The following ROBO2 variants were observed in gnomAD, a reference collection of about 807,000 sequenced individuals.
The protein encoded by ROBO2 is roundabout homolog 2.
A neutral mutation model predicts 160.8 loss-of-function variants in ROBO2; 53 were observed. The ratio of observed to expected loss-of-function variants is 0.33; its 90% CI spans 0.26 to 0.41. The LOEUF (loss-of-function observed/expected upper bound fraction) is 0.41. Ranked by LOEUF, ROBO2 falls within the 10% of genes least tolerant of loss-of-function variation. The pLI, the probability that ROBO2 is intolerant of heterozygous loss-of-function variation, is 1.00. For missense variants in ROBO2, 1,577 were observed against 1,722.4 expected (o/e 0.92, Z 1.49); for synonymous variants, 664 against 611.7 (o/e 1.09, Z -1.26).
At chr3:75,936,009 T>C (rs936784705) in intron 1 of ROBO2, among the ~76,000 whole-genome samples, 11 of 152,216 alleles carry the variant, frequency 7.2e-5, no homozygotes, top group Admixed American at 7.2e-4. Context: ...GGGTAAAGAA[T>C]GTAAGGCATT....
At chr3:77,232,103 G>A (rs898922082) in intron 2 of ROBO2, among the ~76,000 whole-genome samples, 4 of 152,064 alleles carry the variant, frequency 2.6e-5, no homozygotes, top group African/African-American at 9.7e-5. Flanking sequence ...GCTATGAGTC[G>A]AGTACTTTTA....
chr3:76,388,045 G>T (rs993018370), intron 2 of ROBO2, among the ~76,000 whole-genome samples: 5 of 152,102 alleles, frequency 3.3e-5, no homozygotes. Context: ...AGTTTCTTCC[G>T]GTAAACATAC....
intron 5 of ROBO2, among the ~76,000 whole-genome samples, chr3:77,513,606 A>G (rs1431572770): frequency 6.6e-6 from 1 of 151,866 alleles, no homozygotes; most frequent in African/African-American, 2.4e-5. Flanking sequence ...AGAATGTTGC[A>G]TGCAAACTGT....
intron 2 of ROBO2, among the ~76,000 whole-genome samples, chr3:76,976,180 C>G (rs2059807632): frequency 1.3e-5 from 2 of 152,160 alleles, no homozygotes. Flanking sequence ...AAAAATGGAA[C>G]TAGGCAATTT....
chr3:76,073,293 TTTTTTTTTTTTTTTTTTTG>T (rs2068528273), intron 2 of ROBO2, among the ~76,000 whole-genome samples: 1 of 104,340 alleles, frequency 9.6e-6, no homozygotes, highest in Admixed American at 1.1e-4. Flanking sequence ...TTTTTTTTTT[TTTTTTTTTTTTTTTTTTTG>T]AGACGGAGTC....
intron 2 of ROBO2, among the ~76,000 whole-genome samples, chr3:77,201,648 A>G (rs1382162566): frequency 6.6e-6 from 1 of 152,162 alleles, no homozygotes; most frequent in East Asian, 1.9e-4. Context: ...ACTGTATGTG[A>G]CATTGCAATA....
chr3:77,144,874 A>T (rs2076997201), intron 2 of ROBO2, among the ~76,000 whole-genome samples: 1 of 152,200 alleles, frequency 6.6e-6, no homozygotes, highest in Non-Finnish European at 1.5e-5. Flanking sequence ...ATAATTTTTT[A>T]TTAATGCCTT....
At chr3:76,168,620 A>G (rs888284047) in intron 2 of ROBO2, among the ~76,000 whole-genome samples, 8 of 152,108 alleles carry the variant, frequency 5.3e-5, no homozygotes, top group African/African-American at 1.7e-4. Context: ...ATGGACCTGT[A>G]TTCCTTTATT....
chr3:77,414,165 T>G (rs552664271), intron 2 of ROBO2, among the ~76,000 whole-genome samples: 1 of 152,250 alleles, frequency 6.6e-6, no homozygotes, highest in South Asian at 2.1e-4. Flanking sequence ...GTTGGCCAAA[T>G]GAACTAAATA....
chr3:77,450,838 C>T (rs750725405), intron 2 of ROBO2, among the ~76,000 whole-genome samples: 6 of 151,906 alleles, frequency 3.9e-5, no homozygotes, highest in Non-Finnish European at 8.8e-5. Flanking sequence ...AGATAATTGA[C>T]GGTATTCAAG....
chr3:76,629,707 A>G (rs1247959517), intron 2 of ROBO2, among the ~76,000 whole-genome samples: 1 of 152,146 alleles, frequency 6.6e-6, no homozygotes, highest in African/African-American at 2.4e-5. Flanking sequence ...GCACCCTTCA[A>G]TCCAATCAAA....
At chr3:76,405,628 A>G (rs1444225171) in intron 2 of ROBO2, among the ~76,000 whole-genome samples, 1 of 151,706 alleles carries the variant, frequency 6.6e-6, no homozygotes, top group African/African-American at 2.4e-5. Context: ...ATCCAAAATT[A>G]TCATTAAGAA....
chr3:77,503,396 C>T (rs898451045), intron 5 of ROBO2, among the ~76,000 whole-genome samples: 16 of 150,926 alleles, frequency 1.1e-4, no homozygotes, highest in South Asian at 2.1e-4. Context: ...GTGGTGGCGG[C>T]GCCTGTAGTC....
chr3:75,954,184 G>A lies in ROBO2; in HGVS notation c.109+16582G>A, dbSNP rs537924584. On this transcript the variant is annotated intron_variant, in intron 2 of 26. Transcript: ENST00000487694. Reference sequence around the variant, plus strand: ...GAAAGGTACAAAATTAATTTACCATGTCTGAGTTTTCTTCTTCTCTGTATT... The same window carrying A: ...GAAAGGTACAAAATTAATTTACCATATCTGAGTTTTCTTCTTCTCTGTATT... Among the ~76,000 whole-genome samples the A allele has an allele frequency of 8.6e-5, 13 of 151,912 alleles. No individual in the cohort carries two copies. The South Asian group carries it at 2.7e-3, about 32-fold the overall frequency.
chr3:76,649,112 G>GT (rs1267981747), intron 2 of ROBO2, among the ~76,000 whole-genome samples: 1 of 152,006 alleles, frequency 6.6e-6, no homozygotes, highest in Non-Finnish European at 1.5e-5. Context: ...CTCAGAGGTG[G>GT]TTTTTTTAAT....
chr3:76,727,839 A>G (rs949721605), intron 2 of ROBO2, among the ~76,000 whole-genome samples: 1 of 152,176 alleles, frequency 6.6e-6, no homozygotes, highest in African/African-American at 2.4e-5. Flanking sequence ...GTTCGATGGC[A>G]TGGTAGGGTG....
intron 2 of ROBO2, among the ~76,000 whole-genome samples, chr3:76,176,999 C>T (rs1242264648): frequency 6.6e-6 from 1 of 152,020 alleles, no homozygotes; most frequent in Non-Finnish European, 1.5e-5. Context: ...GTCATATCCT[C>T]ATCATTTTAG....
At chr3:76,460,832 T>C (rs2078045275) in intron 2 of ROBO2, among the ~76,000 whole-genome samples, 1 of 152,174 alleles carries the variant, frequency 6.6e-6, no homozygotes. Context: ...TCTGGAATAA[T>C]CTGTGATGCA....
chr3:75,939,507 C>T (rs76335130), intron 2 of ROBO2, among the ~76,000 whole-genome samples: 13 of 152,052 alleles, frequency 8.5e-5, no homozygotes, highest in South Asian at 2.1e-4. Context: ...GTGGGAAATG[C>T]AAGTTAAGTA....
Sources: allele counts gnomAD v4.1 joint callset (sites outside exome capture counted in the v4.1 genomes callset), GRCh38; gene constraint gnomAD v4.1.1; transcripts MANE v1.5; gene names NCBI Gene and HGNC (gene_info 2026-07-23, HGNC 2026-07-21).